DLGAP2: variants seen among roughly 807,000 people sequenced by gnomAD.
DLGAP2 encodes DLG associated protein 2, also known as disks large-associated protein 2.
In DLGAP2, 26 loss-of-function variants were observed where a neutral mutation model predicts 100.3. The ratio of observed to expected loss-of-function variants is 0.26; its 90% CI spans 0.19 to 0.36. DLGAP2 has a LOEUF of 0.36. Among genes scored for constraint, DLGAP2 ranks in the 10% least tolerant of loss-of-function variants. The probability of loss-of-function intolerance (pLI) is 1.00; values close to 1 mark genes in which losing one functional copy is unlikely to be tolerated. For missense variants in DLGAP2, 1,858 were observed against 1,453.2 expected (o/e 1.28, Z -4.53); for synonymous variants, 886 against 630.1 (o/e 1.41, Z -6.08).
chr8:780,052 A>T (rs1821644896), intron 1 of DLGAP2, among the ~76,000 whole-genome samples: 1 of 152,094 alleles, frequency 6.6e-6, no homozygotes, highest in African/African-American at 2.4e-5. Context: ...AAATGTTTGA[A>T]TTATTATTAG....
chr8:893,128 A>G (rs1798070347), intron 1 of DLGAP2: 1 of 152,212 alleles, frequency 6.6e-6, no homozygotes, highest in African/African-American at 2.4e-5. Flanking sequence ...TCGGAAGTGG[A>G]ACCGAGGGCA....
chr8:1,315,416 TTAAAAA>T (rs1800714162), intron 3 of DLGAP2, among the ~76,000 whole-genome samples: 1 of 142,302 alleles, frequency 7.0e-6, no homozygotes, highest in Non-Finnish European at 1.5e-5. Flanking sequence ...TCGGCAGCTT[TTAAAAA>T]TAGAGCGTGT....
At chr8:1,454,791 G>T (rs1399517155) in intron 3 of DLGAP2, among the ~76,000 whole-genome samples, 1 of 152,282 alleles carries the variant, frequency 6.6e-6, no homozygotes, top group East Asian at 1.9e-4. Context: ...TAAAGTCAGT[G>T]GCCCAGAGAC....
At chr8:782,090 A>T (rs181376309) in intron 1 of DLGAP2, among the ~76,000 whole-genome samples, 1 of 152,244 alleles carries the variant, frequency 6.6e-6, no homozygotes, top group African/African-American at 2.4e-5. Context: ...TGTTTCTAGC[A>T]TAAAGAAAAG....
rs369107331 is a variant in DLGAP2 at position 1,338,165 on chromosome 8, G to T, written c.106+79282G>T. 1.4e-4 allele frequency among the ~76,000 whole-genome samples: 22 copies of T among 152,350 alleles called. No homozygotes were observed. In the South Asian group the frequency reaches 1.9e-3, roughly 13 times the overall value. ...AAACAGACAGTTACCTTATGACCCA[G>T]TGTGTGTATTCCTAAGCATTCATCC... is the stretch of plus-strand genomic sequence containing the variant. On this transcript the variant is annotated intron_variant, in intron 3 of 14. Transcript: ENST00000637795.
chr8:1,443,622 G>A (rs1797900860), intron 3 of DLGAP2, among the ~76,000 whole-genome samples: 1 of 152,196 alleles, frequency 6.6e-6, no homozygotes, highest in South Asian at 2.1e-4. Context: ...CACGATCATG[G>A]CAGAAGGTGA....
intron 1 of DLGAP2, among the ~76,000 whole-genome samples, chr8:782,720 C>T (rs529988054): frequency 1.3e-5 from 2 of 152,170 alleles, no homozygotes; most frequent in Admixed American, 6.5e-5. Flanking sequence ...ATCCCTTTTG[C>T]ACTCTTTCTT....
chr8:1,589,026 C>A (rs553192464), intron 6 of DLGAP2, among the ~76,000 whole-genome samples: 7 of 152,256 alleles, frequency 4.6e-5, no homozygotes, highest in Admixed American at 2.0e-4. Flanking sequence ...GCCATGGTAC[C>A]ATATCCTAGT....
At chr8:1,462,877 A>C (rs4484724) in intron 3 of DLGAP2, among the ~76,000 whole-genome samples, 76,946 of 152,140 alleles carry the variant, frequency 0.51, 19,939 homozygotes, top group East Asian at 0.84. Flanking sequence ...TAGTTCAAGA[A>C]GGAAATGTTA....
At chr8:1,314,221 A>G (rs990429024) in intron 3 of DLGAP2, among the ~76,000 whole-genome samples, 2 of 152,210 alleles carry the variant, frequency 1.3e-5, no homozygotes, top group Admixed American at 6.5e-5. Context: ...CGTTTCAGTT[A>G]TCCGTTTTAA....
intron 2 of DLGAP2, among the ~76,000 whole-genome samples, chr8:955,385 A>G (rs980190201): frequency 2.6e-5 from 4 of 151,774 alleles, no homozygotes; most frequent in African/African-American, 9.7e-5. Flanking sequence ...GTTTCCACCC[A>G]CTGGAATCTT....
chr8:862,426 C>T (rs964461683), intron 1 of DLGAP2, among the ~76,000 whole-genome samples: 1 of 152,090 alleles, frequency 6.6e-6, no homozygotes, highest in Non-Finnish European at 1.5e-5. Context: ...CCTCAGCCTC[C>T]CGAGTAGCTG....
chr8:738,938 G>C (rs1820403908), intron 1 of DLGAP2: 1 of 153,222 alleles, frequency 6.5e-6, no homozygotes, highest in South Asian at 1.8e-4. Flanking sequence ...GGAAACTCGC[G>C]GCCCCCGGTC....
chr8:757,952 T>C (rs1323024596), intron 1 of DLGAP2, among the ~76,000 whole-genome samples: 2 of 152,092 alleles, frequency 1.3e-5, no homozygotes, highest in African/African-American at 4.8e-5. Context: ...GTGGGGCAAG[T>C]GTGTGGGGTT....
At chr8:1,633,357 T>G (rs1797697243) in intron 8 of DLGAP2, among the ~76,000 whole-genome samples, 1 of 152,186 alleles carries the variant, frequency 6.6e-6, no homozygotes, top group South Asian at 2.1e-4. Flanking sequence ...TGATTAAGTT[T>G]TAAATACCAA....
chr8:1,635,136 T>C (rs1303220391), intron 8 of DLGAP2, among the ~76,000 whole-genome samples: 1 of 152,226 alleles, frequency 6.6e-6, no homozygotes, highest in African/African-American at 2.4e-5. Context: ...ACCTCTGCTG[T>C]TTCCCATTTT....
intron 2 of DLGAP2, among the ~76,000 whole-genome samples, chr8:1,083,942 T>C (rs907273675): frequency 6.6e-6 from 1 of 152,202 alleles, no homozygotes; most frequent in East Asian, 1.9e-4. Context: ...TTTTAAAAAA[T>C]TGGTGCATTT....
chr8:1,094,435 A>G (rs529384155), intron 2 of DLGAP2, among the ~76,000 whole-genome samples: 50 of 152,366 alleles, frequency 3.3e-4, no homozygotes, highest in African/African-American at 1.1e-3. Flanking sequence ...GTCAGTACAG[A>G]GAATGAATAA....
chr8:837,380 A>G (rs1796899027), intron 1 of DLGAP2, among the ~76,000 whole-genome samples: 1 of 152,202 alleles, frequency 6.6e-6, no homozygotes, highest in African/African-American at 2.4e-5. Flanking sequence ...TAAATGTTTC[A>G]TTGAATTTAT....
Sources: gnomAD v4.1 joint callset for allele counts (sites outside exome capture counted in the v4.1 genomes callset) on GRCh38, gnomAD v4.1.1 for gene constraint, MANE v1.5 for transcripts, NCBI Gene and HGNC (gene_info 2026-07-23, HGNC 2026-07-21) for gene names.